The following PRKCZ variants were observed in gnomAD, a reference collection of about 807,000 sequenced individuals.
PRKCZ encodes the protein protein kinase C zeta, also known as protein kinase C zeta type.
PRKCZ carries 33 observed loss-of-function variants against 79.5 expected under a neutral mutation model. That is an observed-to-expected ratio of 0.41 (90% CI 0.31 to 0.55). The LOEUF (loss-of-function observed/expected upper bound fraction) is 0.55. PRKCZ is among the 20% of genes least tolerant of loss of function. The pLI is 0.19. For missense variants in PRKCZ, 578 were observed against 813.5 expected (o/e 0.71, Z 3.52); for synonymous variants, 342 against 320.9 (o/e 1.07, Z -0.70).
intron 8 of PRKCZ, 44 bp from the exon 9 acceptor site, chr1:2,150,746 G>C (rs754744681): frequency 6.3e-7 from 1 of 1,575,894 alleles, no homozygotes; most frequent in South Asian, 1.1e-5. Context: ...GAGTCTCCCG[G>C]GAACCCCCCT....
chr1:2,169,609 G>A lies in PRKCZ; in HGVS notation c.1061+5G>A, dbSNP rs1277547149. The A allele has an allele frequency of 4.0e-6, 6 of 1,499,298 alleles. No homozygotes were observed. The highest frequency in any genetic ancestry group is 5.4e-6 in the Non-Finnish European group (6 of 1,115,022). 92.9% of individuals were successfully genotyped at this position (1,499,298 alleles called of 1,614,324 possible). ...GCTCCCTGAGGAGCACGCCAGGTGG[G>A]TGCGCGTGGACGGGGCCGGGTGGGT... On this transcript the variant is annotated splice_donor_5th_base_variant and intron_variant, in intron 11 of 17. Coordinates refer to ENST00000378567, the MANE Select transcript of PRKCZ (RefSeq NM_002744.6).
At chr1:2,181,998 C>G (rs1686703727) in intron 16 of PRKCZ, 2 of 381,082 alleles carry the variant, frequency 5.2e-6, no homozygotes, top group Admixed American at 3.1e-5. Context: ...AGTGGCCTGG[C>G]CGTGGATGCT....
At chr1:2,106,561 AGGTAACTCTCAGCAAGCCCCTCCAGTG>A (rs1171351176) in intron 4 of PRKCZ, among the ~76,000 whole-genome samples, 35 of 31,648 alleles carry the variant, frequency 1.1e-3, no homozygotes, top group Non-Finnish European at 1.7e-3. Flanking sequence ...TCACCAGGCC[AGGTAACTCTCAGCAAGCCCCTCCAGTG>A]GGCGAGGACC....
intron 9 of PRKCZ, among the ~76,000 whole-genome samples, chr1:2,155,205 A>T (rs906565404): frequency 6.6e-6 from 1 of 151,266 alleles, no homozygotes; most frequent in African/African-American, 2.4e-5. Context: ...GATGTTGATG[A>T]TGGCGGTGAT....
At chr1:2,053,262 G>A (rs915074535) in intron 1 of PRKCZ, among the ~76,000 whole-genome samples, 3 of 152,076 alleles carry the variant, frequency 2.0e-5, no homozygotes, top group Admixed American at 2.0e-4. Context: ...CACCACGCCC[G>A]GTTAACTTTT....
intron 10 of PRKCZ, 41 bp from the exon 11 acceptor site, chr1:2,169,477 T>G (rs1683992899): frequency 6.6e-7 from 1 of 1,524,666 alleles, no homozygotes; most frequent in Non-Finnish European, 8.9e-7. Context: ...GGCCGCCGTC[T>G]GCCGAGGTGA....
At chr1:2,084,885 G>A (rs543217266) in intron 4 of PRKCZ, among the ~76,000 whole-genome samples, 1 of 152,164 alleles carries the variant, frequency 6.6e-6, no homozygotes, top group Non-Finnish European at 1.5e-5. Flanking sequence ...GTGCACACCT[G>A]TCGTTCCAGC....
At chr1:2,144,117 CT>C (rs1182720545) in intron 5 of PRKCZ, 92 bp from the exon 6 acceptor site, 20 of 1,481,658 alleles carry the variant, frequency 1.3e-5, no homozygotes, top group Non-Finnish European at 1.6e-5. Flanking sequence ...TCAGTGTCCT[CT>C]TTTGAGAAGG....
chr1:2,167,151 T>G (rs142494606), intron 10 of PRKCZ, among the ~76,000 whole-genome samples: 37 of 152,376 alleles, frequency 2.4e-4, no homozygotes, highest in African/African-American at 8.7e-4. Flanking sequence ...AGTTGCAAAT[T>G]AAATAAATTC....
chr1:2,163,013 C>G (rs1414884981), intron 10 of PRKCZ, among the ~76,000 whole-genome samples: 2 of 152,166 alleles, frequency 1.3e-5, no homozygotes, highest in Non-Finnish European at 2.9e-5. Flanking sequence ...GGGTTAGCAT[C>G]TGCAGGTGGG....
chr1:2,127,818 C>T lies in PRKCZ; in HGVS notation c.335-7444C>T, dbSNP rs1674240025. On this transcript the variant is annotated intron_variant, in intron 4 of 17. Transcript: ENST00000378567. The surrounding 1 kb of genome is among the most constrained non-coding windows in gnomAD (Gnocchi z 5.1). ...GGTCAGTTTGTGGACCAATGGCCAA[C>T]CAGGCTGAGTCAGGTGAGGTGGGGA... 6.6e-6 allele frequency among the ~76,000 whole-genome samples: 1 copy of T among 152,250 alleles called. No individual in the cohort carries two copies. Among genetic ancestry groups the T allele is most frequent in the Non-Finnish European group, 1.5e-5 (1 of 68,050 alleles).
intron 4 of PRKCZ, among the ~76,000 whole-genome samples, chr1:2,076,757 A>G (rs923278338): frequency 4.7e-5 from 7 of 148,786 alleles, no homozygotes; most frequent in Non-Finnish European, 8.9e-5. Flanking sequence ...AAAAAAAAAA[A>G]GGAAAAGCTT....
rs914086490 is a variant in PRKCZ at position 2,165,345 on chromosome 1, C to T, written c.975-4173C>T. 6.6e-6 allele frequency among the ~76,000 whole-genome samples: 1 copy of T among 152,192 alleles called. No individual in the cohort carries two copies. Among genetic ancestry groups the T allele is most frequent in the Non-Finnish European group, 1.5e-5 (1 of 68,038 alleles). On this transcript the variant is annotated intron_variant, in intron 10 of 17. Transcript: ENST00000378567. The surrounding 1 kb of genome is among the most constrained non-coding windows in gnomAD (Gnocchi z 4.1). ...GAAGTGGGGTTTCCAAGTGAGGGTT[C>T]TGGGCCCGCCCGAGTCATCTGATGT...
Position 2,050,545 on chromosome 1 carries a change from C to A in PRKCZ, c.-86C>A. On this transcript the variant is annotated 5_prime_UTR_variant, in exon 1 of 18. Coordinates refer to ENST00000378567, the MANE Select transcript of PRKCZ (RefSeq NM_002744.6). Reference sequence around the variant, plus strand: ...GTCCTGAGCGCTGCCTTCCGCGTTCCGCCGCGGCCCCACCTGGAGCCCCCG... The same window carrying A: ...GTCCTGAGCGCTGCCTTCCGCGTTCAGCCGCGGCCCCACCTGGAGCCCCCG... 4.6e-6 allele frequency: 4 copies of A among 874,534 alleles called. No individual in the cohort carries two copies. The highest frequency in any genetic ancestry group is 3.5e-5 in the African/African-American group (2 of 56,922). 54.2% of individuals were successfully genotyped at this position (874,534 alleles called of 1,614,324 possible).
In PRKCZ at chr1:2,135,931, G is replaced by C. The variant is rs566495217; in HGVS notation, c.420+584G>C. Among the ~76,000 whole-genome samples, 20 of 152,280 alleles carry C rather than the reference G, an allele frequency of 1.3e-4. 1 individual carries two copies. In the South Asian group the frequency reaches 3.5e-3, roughly 27 times the overall value. On this transcript the variant is annotated intron_variant, in intron 5 of 17. Transcript: ENST00000378567. Reference sequence around the variant, plus strand: ...GTAATTGTTCTGTTTCACAGTGGAAGGGGAGGTGTCTGGGTGTGCCTTGGT... The same window carrying C: ...GTAATTGTTCTGTTTCACAGTGGAACGGGAGGTGTCTGGGTGTGCCTTGGT...
Position 2,174,255 on chromosome 1 carries a change from C to T in PRKCZ, c.1405+239C>T, listed in dbSNP as rs1238578541. On this transcript the variant is annotated intron_variant, in intron 14 of 17. Coordinates refer to ENST00000378567, the MANE Select transcript of PRKCZ (RefSeq NM_002744.6). This position sits in a 1 kb window ranked among gnomAD's most constrained non-coding sequence, Gnocchi z 6.2. ...ACCTGTCCCCATTCAGCTCCAACTC[C>T]CTCCTGCCCTGGCCAGCAGCACATG... is the stretch of plus-strand genomic sequence containing the variant. Among the ~76,000 whole-genome samples, 2 of 152,212 alleles carry T rather than the reference C, an allele frequency of 1.3e-5. No individual in the cohort carries two copies. The highest frequency in any genetic ancestry group is 2.1e-4 in the South Asian group (1 of 4,838).
At position 2,127,141 on chromosome 1, in the gene PRKCZ, G is replaced by C. The variant is rs12401379; in HGVS notation, c.335-8121G>C. On this transcript the variant is annotated intron_variant, in intron 4 of 17. Transcript: ENST00000378567. This position sits in a 1 kb window ranked among gnomAD's most constrained non-coding sequence, Gnocchi z 5.1. ...GGTTGTTGCCTCAGTGGGAGCCTGG[G>C]CTGTGGCTGCCAGTCCCCAAAACAG... Among the ~76,000 whole-genome samples, 35,825 of 152,152 alleles carry C rather than the reference G, an allele frequency of 0.24. 4,846 individuals carry two copies. The highest frequency in any genetic ancestry group is 0.33 in the Admixed American group (5,081 of 15,290).
chr1:2,073,810 G>T, intron 4 of PRKCZ: 1 of 1,028,366 alleles, frequency 9.7e-7, no homozygotes, highest in Non-Finnish European at 1.2e-6. Flanking sequence ...GCCTATTGTC[G>T]GGGCCGGAGG....
rs775607762 is a variant in PRKCZ, at chr1:2,112,365, C to T, written c.335-22897C>T. Among the ~76,000 whole-genome samples, 8 of 152,192 alleles carry T rather than the reference C, an allele frequency of 5.3e-5. No homozygotes were observed. In the South Asian group the frequency reaches 6.2e-4, roughly 12 times the overall value. The stretch of plus-strand genomic sequence containing the variant: ...GTCCGAAGCAGCCGGCGAGGCGGCC[C>T]GCGAACCTCTGACGTGCTCCATTGC... On this transcript the variant is annotated intron_variant, in intron 4 of 17. Coordinates refer to ENST00000378567, the MANE Select transcript of PRKCZ (RefSeq NM_002744.6).
Sources: allele counts gnomAD v4.1 joint callset (sites outside exome capture counted in the v4.1 genomes callset), GRCh38; gene constraint gnomAD v4.1.1; non-coding constraint Gnocchi (gnomAD v3.1); transcripts MANE v1.5; gene names NCBI Gene and HGNC (gene_info 2026-07-23, HGNC 2026-07-21).